The following EPB41L4A variants were observed in gnomAD, a reference collection of about 807,000 sequenced individuals.
EPB41L4A encodes erythrocyte membrane protein band 4.1 like 4A.
A neutral mutation model predicts 108.6 loss-of-function variants in EPB41L4A; 100 were observed. The observed-to-expected ratio is 0.92, with a 90% CI of 0.78 to 1.09. The LOEUF (loss-of-function observed/expected upper bound fraction) is 1.09, where lower values mean the gene tolerates loss of function less well. EPB41L4A is among the 50% of genes least tolerant of loss of function. EPB41L4A has a pLI of 0.00. For synonymous variants in EPB41L4A, 319 were observed against 289.0 expected, an observed-to-expected ratio of 1.10 and a Z score of -1.05; for missense variants, 1,030 against 842.7, an observed-to-expected ratio of 1.22 and a Z score of -2.75.
chr5:112,279,608 C>G (rs775428909), intron 3 of EPB41L4A, among the ~76,000 whole-genome samples: 1 of 152,172 alleles, frequency 6.6e-6, no homozygotes, highest in Non-Finnish European at 1.5e-5. Context: ...CCTTTTATTT[C>G]AATTGAAACA....
chr5:112,346,368 C>A (rs755535203), intron 1 of EPB41L4A, among the ~76,000 whole-genome samples: 6 of 151,598 alleles, frequency 4.0e-5, no homozygotes, highest in Non-Finnish European at 8.8e-5. Context: ...CGATTACAGG[C>A]ATGCACCACC....
intron 1 of EPB41L4A, among the ~76,000 whole-genome samples, chr5:112,401,666 T>C (rs1761758540): frequency 6.6e-6 from 1 of 152,168 alleles, no homozygotes; most frequent in Admixed American, 6.5e-5. Flanking sequence ...CTCTCACCCT[T>C]TTTCCTCCTA....
At chr5:112,366,952 G>A (rs770839697) in intron 1 of EPB41L4A, among the ~76,000 whole-genome samples, 1 of 152,172 alleles carries the variant, frequency 6.6e-6, no homozygotes, top group Non-Finnish European at 1.5e-5. Flanking sequence ...ACATGGAACA[G>A]AGCCATCTCC....
At chr5:112,334,281 C>A (rs1386653118) in intron 1 of EPB41L4A, among the ~76,000 whole-genome samples, 2 of 152,256 alleles carry the variant, frequency 1.3e-5, no homozygotes, top group Admixed American at 1.3e-4. Context: ...AAATATATTT[C>A]TTTGACATAT....
intron 1 of EPB41L4A, among the ~76,000 whole-genome samples, chr5:112,398,335 C>T (rs376284572): frequency 8.5e-5 from 13 of 152,258 alleles, no homozygotes; most frequent in African/African-American, 2.6e-4. Flanking sequence ...GCGCTATCAG[C>T]CTCCATAATA....
chr5:112,151,343 G>A (rs1759458082), intron 12 of EPB41L4A, among the ~76,000 whole-genome samples: 3 of 149,970 alleles, frequency 2.0e-5, no homozygotes, highest in Admixed American at 6.6e-5. Context: ...CATTTCTAAG[G>A]TCCTTGTTTT....
chr5:112,380,151 C>A (rs952234432), intron 1 of EPB41L4A, among the ~76,000 whole-genome samples: 1 of 152,122 alleles, frequency 6.6e-6, no homozygotes, highest in Non-Finnish European at 1.5e-5. Flanking sequence ...AGGGACCACA[C>A]AGGAGCAGTC....
At position 112,266,240 on chromosome 5, in the gene EPB41L4A, G is replaced by A. The variant is rs538454546; in HGVS notation, c.426C>T (p.Ala142=). Residue 142 remains alanine (A), a synonymous_variant, in exon 5 of 23, where the codon GCC becomes GCT. Coordinates refer to ENST00000261486, the MANE Select transcript of EPB41L4A (RefSeq NM_022140.5). The part of the protein sequence containing the change: ...VNTAAQLGAY[A]IQSELGDYDP... ...TGCTTAAGTGGCACCTACACTGGAT[G>A]GCATACGCTCCCAGCTGAGCAGCAG... 2.8e-5 allele frequency: 45 copies of A among 1,605,686 alleles called. No homozygotes were observed. The highest frequency in any genetic ancestry group is 8.5e-5 in the Admixed American group (5 of 58,516).
intron 9 of EPB41L4A, chr5:112,256,787 C>T (rs1287467749): frequency 6.6e-6 from 1 of 152,018 alleles, no homozygotes; most frequent in Admixed American, 6.6e-5. Context: ...AATCTAGAAG[C>T]AACTGTATCA....
At chr5:112,373,796 G>C (rs1416022589) in intron 1 of EPB41L4A, among the ~76,000 whole-genome samples, 1 of 152,160 alleles carries the variant, frequency 6.6e-6, no homozygotes, top group Non-Finnish European at 1.5e-5. Flanking sequence ...ACATCAGAAA[G>C]GTCCAAGACT....
At chr5:112,199,515 C>T (rs764567338) in intron 15 of EPB41L4A, among the ~76,000 whole-genome samples, 1 of 152,196 alleles carries the variant, frequency 6.6e-6, no homozygotes, top group African/African-American at 2.4e-5. Flanking sequence ...ACCTAAACAA[C>T]CTAATCTCTA....
At chr5:112,358,482 A>C (rs1758505907) in intron 1 of EPB41L4A, among the ~76,000 whole-genome samples, 1 of 152,234 alleles carries the variant, frequency 6.6e-6, no homozygotes, top group Non-Finnish European at 1.5e-5. Flanking sequence ...TTATTAGGAA[A>C]TCTAGAATCC....
chr5:112,150,421 A>G (rs773777007), intron 12 of EPB41L4A, among the ~76,000 whole-genome samples: 3 of 152,202 alleles, frequency 2.0e-5, no homozygotes, highest in Non-Finnish European at 4.4e-5. Flanking sequence ...CATAACAAAA[A>G]AGCAAAAGAT....
intron 1 of EPB41L4A, among the ~76,000 whole-genome samples, chr5:112,361,377 A>G (rs1448978585): frequency 1.7e-4 from 26 of 151,598 alleles, no homozygotes; most frequent in African/African-American, 6.1e-4. Flanking sequence ...GGACACAAAC[A>G]CTGCAGAAGG....
intron 1 of EPB41L4A, among the ~76,000 whole-genome samples, chr5:112,350,388 G>A (rs539755815): frequency 3.9e-4 from 59 of 152,302 alleles, no homozygotes; most frequent in African/African-American, 1.4e-3. Flanking sequence ...TGGGGGACAT[G>A]TGCTATTTTG....
intron 1 of EPB41L4A, among the ~76,000 whole-genome samples, chr5:112,410,566 C>G (rs752397343): frequency 2.0e-5 from 3 of 152,126 alleles, no homozygotes; most frequent in Non-Finnish European, 4.4e-5. Flanking sequence ...GATCCTGACC[C>G]AAGAGGTAGA....
chr5:112,337,064 C>A (rs975919554), intron 1 of EPB41L4A, among the ~76,000 whole-genome samples: 13 of 152,132 alleles, frequency 8.5e-5, no homozygotes, highest in African/African-American at 3.1e-4. Flanking sequence ...AATCATTACC[C>A]CTCAGTGTTT....
intron 15 of EPB41L4A, among the ~76,000 whole-genome samples, chr5:112,201,642 T>C (rs78232716): frequency 0.033 from 4,952 of 152,270 alleles, 307 homozygotes; most frequent in African/African-American, 0.11. Flanking sequence ...ATATGCTAAA[T>C]TCTAATCATC....
chr5:112,264,711 C>T, intron 6 of EPB41L4A, 185 bp downstream of exon 6: 1 of 522,302 alleles, frequency 1.9e-6, no homozygotes, highest in Non-Finnish European at 3.1e-6. Flanking sequence ...CTCCTTTACA[C>T]TTTTTAAATT....
Sources: gnomAD v4.1 joint callset for allele counts (sites outside exome capture counted in the v4.1 genomes callset) on GRCh38, gnomAD v4.1.1 for gene constraint, MANE v1.5 for transcripts, NCBI Gene and HGNC (gene_info 2026-07-23, HGNC 2026-07-21) for gene names.